The following ATOX1 variants were observed in gnomAD, a reference collection of about 807,000 sequenced individuals.
The protein encoded by ATOX1 is copper transport protein ATOX1.
Under a neutral mutation model 7.3 loss-of-function variants are expected in ATOX1, and 4 were observed. The ratio of observed to expected loss-of-function variants is 0.55; its 90% CI spans 0.27 to 1.25. The LOEUF (loss-of-function observed/expected upper bound fraction) is 1.25. ATOX1 is among the 50% of genes most tolerant of loss of function. ATOX1 has a pLI of 0.12. For synonymous variants in ATOX1, 25 were observed against 28.7 expected (o/e 0.87, Z 0.41); for missense variants, 68 against 81.6 (o/e 0.83, Z 0.64).
At chr5:151,748,543 A>G (rs1761906107) in intron 2 of ATOX1, among the ~76,000 whole-genome samples, 1 of 152,186 alleles carries the variant, frequency 6.6e-6, no homozygotes, top group Admixed American at 6.5e-5. Flanking sequence ...GCTTAAAGGC[A>G]GATCTTCCAG....
At chr5:151,748,447 T>C (rs1468077644) in intron 2 of ATOX1, among the ~76,000 whole-genome samples, 1 of 152,036 alleles carries the variant, frequency 6.6e-6, no homozygotes, top group Non-Finnish European at 1.5e-5. Context: ...TTTAGGGCCA[T>C]AAGCAACTCA....
At chr5:151,747,051 G>T (rs1761886940) in intron 2 of ATOX1, among the ~76,000 whole-genome samples, 1 of 147,608 alleles carries the variant, frequency 6.8e-6, no homozygotes, top group Non-Finnish European at 1.5e-5. Flanking sequence ...TTTTTTAATT[G>T]CAAAAGTAAT....
chr5:151,757,891 G>C (rs2113189801), intron 1 of ATOX1, among the ~76,000 whole-genome samples: 1 of 152,342 alleles, frequency 6.6e-6, no homozygotes, highest in South Asian at 2.1e-4. Flanking sequence ...TATGTGATAA[G>C]ACTGAGTGAT....
chr5:151,751,648 A>G, intron 2 of ATOX1, 56 bp downstream of exon 2: 1 of 1,540,738 alleles, frequency 6.5e-7, no homozygotes, highest in Non-Finnish European at 8.8e-7. Context: ...CTCCTGCAAC[A>G]TCTGCATGCA....
At chr5:151,757,701 C>A (rs1172755446) in intron 1 of ATOX1, among the ~76,000 whole-genome samples, 1 of 152,210 alleles carries the variant, frequency 6.6e-6, no homozygotes, top group Non-Finnish European at 1.5e-5. Context: ...GGTGTGACTG[C>A]TTTTGCCTGG....
At chr5:151,749,303 T>C (rs561122609) in intron 2 of ATOX1, among the ~76,000 whole-genome samples, 46 of 151,904 alleles carry the variant, frequency 3.0e-4, no homozygotes, top group Middle Eastern at 3.4e-3. Flanking sequence ...CTGGCCAAGA[T>C]AGAGAAACCC....
chr5:151,758,491 C>T, intron 1 of ATOX1, 55 bp downstream of exon 1: 1 of 1,477,372 alleles, frequency 6.8e-7, no homozygotes, highest in Non-Finnish European at 9.0e-7. Flanking sequence ...GCTGTGCAGC[C>T]GAGAAGCAAC....
At chr5:151,743,503 T>A (rs1312481488) in intron 3 of ATOX1, 1 of 152,234 alleles carries the variant, frequency 6.6e-6, no homozygotes, top group Non-Finnish European at 1.5e-5. Context: ...GGGTGATTCT[T>A]ACTGAGTACT....
chr5:151,749,822 T>C (rs1761924568), intron 2 of ATOX1, among the ~76,000 whole-genome samples: 1 of 152,084 alleles, frequency 6.6e-6, no homozygotes. Flanking sequence ...CTTTCCACTG[T>C]TTCAGTTTCT....
At chr5:151,755,137 A>G (rs1002201321) in intron 1 of ATOX1, among the ~76,000 whole-genome samples, 1 of 152,198 alleles carries the variant, frequency 6.6e-6, no homozygotes, top group African/African-American at 2.4e-5. Context: ...GTGTAAAAAA[A>G]AAAGTTTGCT....
chr5:151,746,355 T>C lies in ATOX1; in HGVS notation c.177A>G (p.Gly59=). 6.2e-7 allele frequency: 1 copy of C among 1,613,890 alleles called. No homozygotes were observed. The highest frequency in any genetic ancestry group is 8.5e-7 in the Non-Finnish European group (1 of 1,179,814). The change falls in exon 3 of 4, where the codon GGA becomes GGG. Residue 59 remains glycine (G), a synonymous_variant. Transcript: ENST00000313115. ...CAAGGCCAAGGTAGGAAACAGTCTT[T>C]CCTGTTTTCTTCAGGGTTGCAAGCA... ...DTLLATLKKT[G]KTVSYLGLE
chr5:151,753,907 C>G (rs540134043), intron 1 of ATOX1: 3 of 152,204 alleles, frequency 2.0e-5, no homozygotes, highest in Admixed American at 1.3e-4. Context: ...ACAGAGGAAA[C>G]GAAGACCAAG....
At chr5:151,750,646 T>TTC (rs1336516828) in intron 2 of ATOX1, among the ~76,000 whole-genome samples, 2 of 138,780 alleles carry the variant, frequency 1.4e-5, no homozygotes, top group Non-Finnish European at 3.1e-5. Flanking sequence ...TTTTCTTTCT[T>TTC]TTTTTTTTTT....
intron 2 of ATOX1, among the ~76,000 whole-genome samples, chr5:151,748,177 C>T (rs1292479854): frequency 6.6e-6 from 1 of 152,196 alleles, no homozygotes; most frequent in Non-Finnish European, 1.5e-5. Context: ...AGCTCCCCAG[C>T]AGCACATGGG....
In ATOX1 at chr5:151,746,307, G is replaced by C; in HGVS notation, c.*18C>G. Reference sequence around the variant, plus strand: ...CCCCCTTTGGTCCATCCTGTGGGCTGTGGGGACCAGGCCCCTGCTACTCAA... The same window carrying C: ...CCCCCTTTGGTCCATCCTGTGGGCTCTGGGGACCAGGCCCCTGCTACTCAA... On this transcript the variant is annotated 3_prime_UTR_variant, in exon 3 of 4. Coordinates refer to ENST00000313115, the MANE Select transcript of ATOX1 (RefSeq NM_004045.4). 2 of 1,612,146 alleles carry C rather than the reference G, an allele frequency of 1.2e-6. No homozygotes were observed. The highest frequency in any genetic ancestry group is 1.7e-6 in the Non-Finnish European group (2 of 1,179,266).
intron 2 of ATOX1, among the ~76,000 whole-genome samples, chr5:151,751,446 A>G (rs1761947476): frequency 6.6e-6 from 1 of 152,046 alleles, no homozygotes; most frequent in African/African-American, 2.4e-5. Context: ...TAAGTTATTT[A>G]ATGTTTCTGA....
At position 151,746,382 on chromosome 5, in the gene ATOX1, A is replaced by G; in HGVS notation, c.150T>C (p.Thr50=). ...CTGTTTTCTTCAGGGTTGCAAGCAGAGTGTCCATGCTGTGCTCAGATTCAA... is the reference window on the plus strand; with the variant it reads ...CTGTTTTCTTCAGGGTTGCAAGCAGGGTGTCCATGCTGTGCTCAGATTCAA... ...VCIESEHSMD[T]LLATLKKTGK... The change falls in exon 3 of 4, where the codon ACT becomes ACC. Residue 50 remains threonine (T), a synonymous_variant. Transcript: ENST00000313115. The G allele has an allele frequency of 6.2e-7, 1 of 1,613,940 alleles. No homozygotes were observed. Among genetic ancestry groups the G allele is most frequent in the Non-Finnish European group, 8.5e-7 (1 of 1,179,858 alleles).
In ATOX1 at chr5:151,746,335, C is replaced by T. The variant is rs192229115; in HGVS notation, c.197G>A (p.Gly66Asp). ...GGGACCAGGCCCCTGCTACTCAAGG[C>T]CAAGGTAGGAAACAGTCTTTCCTGT... ...KKTGKTVSYL[G>D]LE Residue 66 changes from glycine (G) to aspartate (D), a missense_variant, in exon 3 of 4, where the codon GGC becomes GAC. By Grantham distance (94) the Gly-to-Asp change is moderately conservative. Transcript: ENST00000313115. The T allele has an allele frequency of 6.2e-6, 10 of 1,613,496 alleles. 1 individual carries two copies. The highest frequency in any genetic ancestry group is 3.4e-4 in the Middle Eastern group (2 of 5,896).
At position 151,746,640 on chromosome 5, in the gene ATOX1, C is replaced by A. The variant is rs1328597560; in HGVS notation, c.83-191G>T. On this transcript the variant is annotated intron_variant, in intron 2 of 3. Transcript: ENST00000313115. Reference sequence around the variant, plus strand: ...AGGCATTGTGGGTCACATATAGACTCTGTTGTATATTCTGTGTATTTTTTT... The same window carrying A: ...AGGCATTGTGGGTCACATATAGACTATGTTGTATATTCTGTGTATTTTTTT... 7 of 595,590 alleles carry A rather than the reference C, an allele frequency of 1.2e-5. No individual in the cohort carries two copies. The Admixed American group carries it at 2.2e-4, about 18-fold the overall frequency. The allele number at this position is 595,590 out of a possible 1,614,324, so 36.9% of individuals were successfully genotyped here. A position where few individuals can be genotyped will look rare whatever the true frequency, so the allele number is the denominator to read the frequency against.
Sources: gnomAD v4.1 joint callset for allele counts (sites outside exome capture counted in the v4.1 genomes callset) on GRCh38, gnomAD v4.1.1 for gene constraint, MANE v1.5 for transcripts, NCBI Gene and HGNC (gene_info 2026-07-23, HGNC 2026-07-21) for gene names.